Variants in RASL12 observed in about 807,000 individuals in gnomAD.
RASL12 encodes the protein RAS like family 12, also known as ras-like protein family member 12.
A neutral mutation model predicts 22.9 loss-of-function variants in RASL12; 16 were observed. The ratio of observed to expected loss-of-function variants is 0.70; its 90% confidence interval spans 0.47 to 1.06. The LOEUF (loss-of-function observed/expected upper bound fraction) is 1.06. RASL12 is among the 50% of genes least tolerant of loss of function. RASL12 has a pLI of 0.00. For synonymous variants in RASL12, 159 were observed against 152.2 expected (o/e 1.04, Z -0.33); for missense variants, 306 against 353.1 (o/e 0.87, Z 1.07).
At chr15:65,059,918 T>C (rs2086781863) in intron 2 of RASL12, among the ~76,000 whole-genome samples, 2 of 152,234 alleles carry the variant, frequency 1.3e-5, no homozygotes, top group South Asian at 4.1e-4. Flanking sequence ...GAGAAGGTTT[T>C]ACAAATAATC....
downstream of RASL12, among the ~76,000 whole-genome samples, chr15:65,052,644 G>A (rs140555142): frequency 8.8e-4 from 134 of 152,052 alleles, no homozygotes; most frequent in African/African-American, 3.1e-3. Flanking sequence ...TGATCCACCC[G>A]CCTCAGCCTC....
intron 1 of RASL12, among the ~76,000 whole-genome samples, chr15:65,065,670 T>G (rs930174649): frequency 5.3e-5 from 8 of 152,110 alleles, no homozygotes; most frequent in Non-Finnish European, 8.8e-5. Context: ...GTGGGGCTAT[T>G]TACTCCAGGC....
downstream of RASL12, among the ~76,000 whole-genome samples, chr15:65,050,836 C>CTT (rs57404080): frequency 7.7e-3 from 739 of 95,616 alleles, 10 homozygotes; most frequent in Non-Finnish European, 0.011. Context: ...TCTTCTTCTT[C>CTT]TTTTTTTTTT....
rs1409982247 is a variant in RASL12, at chr15:65,058,427, C to T, written c.425G>A (p.Arg142Lys). Residue 142 changes from arginine (R) to lysine (K), a missense_variant and splice_region_variant, in exon 4 of 5, where the codon AGG (arginine) becomes AAG (lysine). By Grantham distance (26) the Arg-to-Lys change is conservative (BLOSUM62 2). Transcript: ENST00000220062. ...LGNKLDMAQYRQVTKAEGVAL... is the reference protein window; with the variant it reads ...LGNKLDMAQYKQVTKAEGVAL... Reference sequence around the variant, plus strand: ...TAACGGCCAAGCAGGCTGTGCTCACCTGTACTGAGCCATGTCCAGCTTGTT... The same window carrying T: ...TAACGGCCAAGCAGGCTGTGCTCACTTGTACTGAGCCATGTCCAGCTTGTT... The T allele has an allele frequency of 6.5e-6, 10 of 1,532,756 alleles. No homozygotes were observed. The highest frequency in any genetic ancestry group is 2.7e-5 in the African/African-American group (2 of 73,130). 94.9% of individuals were successfully genotyped at this position (1,532,756 alleles called of 1,614,324 possible). A position where few individuals can be genotyped will look rare whatever the true frequency, so the allele number is the denominator to read the frequency against.
chr15:65,054,379 C>T lies in RASL12; in HGVS notation c.*520G>A. 1 of 986,990 alleles carries T rather than the reference C, an allele frequency of 1.0e-6. No individual in the cohort carries two copies. The highest frequency in any genetic ancestry group is 1.2e-6 in the Non-Finnish European group (1 of 831,084). The allele number at this position is 986,990 out of a possible 1,614,324, so 61.1% of individuals were successfully genotyped here. ...AAACTGTGGGGTTTGTAGCCTGGGC[C>T]TTCTGTGAAGTCAGCAGATGACAGG... is the stretch of plus-strand genomic sequence containing the variant. On this transcript the variant is annotated 3_prime_UTR_variant, in exon 5 of 5. Transcript: ENST00000220062.
Position 65,058,540 on chromosome 15 carries a change from C to CTGGCGG in RASL12, c.306_311dup (p.Arg103_Gln104insHisArg). On this transcript the variant is annotated inframe_insertion, in exon 4 of 5. Transcript: ENST00000220062. ...GGTAGCTGCTGCTGCTATCAAAGCTCTGGCGGCTGTCGACGCTGTACACCA... is the reference window on the plus strand; with the variant it reads ...GGTAGCTGCTGCTGCTATCAAAGCTCTGGCGGTGGCGGCTGTCGACGCTGTACACCA... The CTGGCGG allele has an allele frequency of 1.2e-6, 2 of 1,611,830 alleles. No individual in the cohort carries two copies.
At chr15:65,075,640 G>C (rs892801454) in intron 1 of RASL12, among the ~76,000 whole-genome samples, 2 of 151,784 alleles carry the variant, frequency 1.3e-5, no homozygotes, top group African/African-American at 4.8e-5. Context: ...TTGACACTCT[G>C]TATCTAGCTG....
the RASL12 span, among the ~76,000 whole-genome samples, chr15:65,046,508 A>G: frequency 6.6e-6 from 1 of 152,154 alleles, no homozygotes; most frequent in African/African-American, 2.4e-5. Flanking sequence ...TTTCTGTGGC[A>G]TCTAACATAG....
At chr15:65,050,183 T>C, downstream of RASL12, 1 of 1,103,116 alleles carries the variant, frequency 9.1e-7, no homozygotes, top group South Asian at 1.5e-5. Flanking sequence ...CCTGACACTG[T>C]CGTCCCCTCC....
At chr15:65,067,564 G>C (rs1325933521) in intron 1 of RASL12, among the ~76,000 whole-genome samples, 169 bp downstream of exon 1, 3 of 152,186 alleles carry the variant, frequency 2.0e-5, no homozygotes, top group Non-Finnish European at 4.4e-5. Context: ...AGAAAGCCCG[G>C]CAACAGGGAA....
intron 1 of RASL12, among the ~76,000 whole-genome samples, chr15:65,067,199 G>A (rs1297263277): frequency 6.6e-6 from 1 of 152,086 alleles, no homozygotes; most frequent in Non-Finnish European, 1.5e-5. Flanking sequence ...GGGAGGGGGT[G>A]TGGAGGGGGA....
chr15:65,055,108 T>G lies in RASL12; in HGVS notation c.592A>C (p.Ile198Leu), dbSNP rs780165758. The G allele has an allele frequency of 6.2e-7, 1 of 1,611,264 alleles. No individual in the cohort carries two copies. The highest frequency in any genetic ancestry group is 8.5e-7 in the Non-Finnish European group (1 of 1,179,014). The stretch of plus-strand genomic sequence containing the variant: ...TGGGGCAGGGCCCTCTCCTCGGAGA[T>G]GAAGAGGGGCCGGGTCAGGGGGCTC... ...EKSPLTRPLFISEERALPHQA... is the reference protein window; with the variant it reads ...EKSPLTRPLFLSEERALPHQA... The change falls in exon 5 of 5, where the codon ATC becomes CTC. Residue 198 changes from isoleucine (I) to leucine (L), a missense_variant. Physicochemically the swap from Ile to Leu is conservative, Grantham distance 5. Transcript: ENST00000220062.
chr15:65,061,223 AG>A (rs1272358702), intron 2 of RASL12, among the ~76,000 whole-genome samples: 1 of 152,232 alleles, frequency 6.6e-6, no homozygotes, highest in Non-Finnish European at 1.5e-5. Flanking sequence ...ATCTCACCCA[AG>A]GCCACACAGC....
chr15:65,055,315 C>G, intron 4 of RASL12, 41 bp from the exon 5 acceptor site: 1 of 1,484,692 alleles, frequency 6.7e-7, no homozygotes, highest in Non-Finnish European at 9.0e-7. Context: ...TAGGAGCAGG[C>G]TGTGCCAAGT....
At chr15:65,052,023 C>T (rs1235315523), downstream of RASL12, among the ~76,000 whole-genome samples, 1 of 152,168 alleles carries the variant, frequency 6.6e-6, no homozygotes, top group Non-Finnish European at 1.5e-5. Context: ...TGGGTCCCTC[C>T]ACTATGGCCA....
exon 1 of RASL12, chr15:65,076,596 C>A: frequency 1.4e-6 from 1 of 704,130 alleles, no homozygotes; most frequent in Non-Finnish European, 2.6e-6. Flanking sequence ...CCATTATTAC[C>A]ATTTCTTCTA....
upstream of RASL12, among the ~76,000 whole-genome samples, chr15:65,072,442 G>T (rs2086938391): frequency 6.6e-6 from 1 of 152,158 alleles, no homozygotes; most frequent in African/African-American, 2.4e-5. Flanking sequence ...AAGGGGGAGA[G>T]AAGTTCCCCT....
chr15:65,048,061 C>T, the RASL12 span, among the ~76,000 whole-genome samples: 217 of 152,086 alleles, frequency 1.4e-3, 1 homozygote, highest in Non-Finnish European at 2.0e-3. Context: ...CCCTGTAGTC[C>T]CACTACTTGG....
At chr15:65,050,027 C>T, downstream of RASL12, 2 of 1,551,526 alleles carry the variant, frequency 1.3e-6, no homozygotes, top group Non-Finnish European at 1.7e-6. Context: ...GAGGGGGCTC[C>T]CGGAGACCCA....
Sources: allele counts gnomAD v4.1 joint callset (sites outside exome capture counted in the v4.1 genomes callset), GRCh38; gene constraint gnomAD v4.1.1; transcripts MANE v1.5; gene names NCBI Gene and HGNC (gene_info 2026-07-23, HGNC 2026-07-21).